AGTPBP1: variants seen among roughly 807,000 people sequenced by gnomAD.
The protein encoded by AGTPBP1 is ATP/GTP binding carboxypeptidase 1, also known as cytosolic carboxypeptidase 1.
A neutral mutation model predicts 143.9 loss-of-function variants in AGTPBP1; 70 were observed. The ratio of observed to expected loss-of-function variants is 0.49; its 90% confidence interval spans 0.40 to 0.59. The LOEUF is 0.59. Among genes scored for constraint, AGTPBP1 ranks in the 20% least tolerant of loss-of-function variants. The pLI, the probability that AGTPBP1 is intolerant of heterozygous loss-of-function variation, is 0.00. For synonymous variants in AGTPBP1, 463 were observed against 500.2 expected, an observed-to-expected ratio of 0.93 and a Z score of 0.99; for missense variants, 1,229 against 1,464.5, an observed-to-expected ratio of 0.84 and a Z score of 2.62.
At chr9:85,687,383 A>G (rs145956160) in intron 3 of AGTPBP1, among the ~76,000 whole-genome samples, 1 of 152,318 alleles carries the variant, frequency 6.6e-6, no homozygotes, top group African/African-American at 2.4e-5. Context: ...ATTGATACTT[A>G]TAGAACACTT....
At chr9:85,651,562 C>T (rs1444070092) in intron 11 of AGTPBP1, among the ~76,000 whole-genome samples, 1 of 152,050 alleles carries the variant, frequency 6.6e-6, no homozygotes, top group Non-Finnish European at 1.5e-5. Flanking sequence ...AATACAAATA[C>T]TCTTAGGTAA....
the AGTPBP1 span, among the ~76,000 whole-genome samples, chr9:85,784,925 A>G: frequency 2.0e-5 from 3 of 152,230 alleles, no homozygotes; most frequent in East Asian, 1.9e-4. Flanking sequence ...AAACTTTTCA[A>G]ATTTTAAATC....
chr9:85,746,845 T>C (rs192899975), upstream of AGTPBP1, among the ~76,000 whole-genome samples: 1 of 152,186 alleles, frequency 6.6e-6, no homozygotes, highest in African/African-American at 2.4e-5. Flanking sequence ...CAAAACATCA[T>C]GTTGTATACC....
chr9:85,669,059 G>C (rs1467719869), intron 8 of AGTPBP1, among the ~76,000 whole-genome samples: 1 of 145,196 alleles, frequency 6.9e-6, no homozygotes, highest in Non-Finnish European at 1.5e-5. Flanking sequence ...GGGGGAAAAA[G>C]AATGATGTGA....
chr9:85,589,244 A>G (rs1329296746), intron 20 of AGTPBP1, among the ~76,000 whole-genome samples: 1 of 152,024 alleles, frequency 6.6e-6, no homozygotes, highest in East Asian at 1.9e-4. Context: ...CTCTTAAAAT[A>G]ATTTGTTGTA....
intron 1 of AGTPBP1, among the ~76,000 whole-genome samples, chr9:85,716,189 T>G (rs1837693889): frequency 6.6e-6 from 1 of 152,170 alleles, no homozygotes; most frequent in Non-Finnish European, 1.5e-5. Context: ...CAATTCTCAG[T>G]CCTCATCTTA....
chr9:85,757,735 C>T, the AGTPBP1 span, among the ~76,000 whole-genome samples: 271 of 151,872 alleles, frequency 1.8e-3, 2 homozygotes, highest in African/African-American at 6.2e-3. Flanking sequence ...ATAAAATTCA[C>T]ATAGAACATC....
intron 3 of AGTPBP1, among the ~76,000 whole-genome samples, chr9:85,687,622 A>G (rs1835562570): frequency 6.6e-6 from 1 of 152,206 alleles, no homozygotes; most frequent in South Asian, 2.1e-4. Flanking sequence ...AAAATGGGTC[A>G]AAGAAAAAAA....
intron 2 of AGTPBP1, among the ~76,000 whole-genome samples, chr9:85,696,873 T>C (rs1252734910): frequency 6.6e-6 from 1 of 152,232 alleles, no homozygotes; most frequent in Non-Finnish European, 1.5e-5. Flanking sequence ...TATACGACAC[T>C]ATCACTTATC....
At chr9:85,766,819 A>G in the AGTPBP1 span, among the ~76,000 whole-genome samples, 1 of 152,216 alleles carries the variant, frequency 6.6e-6, no homozygotes, top group East Asian at 1.9e-4. Context: ...GACACAAGGT[A>G]TCAATAAAAT....
chr9:85,640,184 A>C (rs1220734398), intron 13 of AGTPBP1, among the ~76,000 whole-genome samples: 1 of 152,236 alleles, frequency 6.6e-6, no homozygotes, highest in African/African-American at 2.4e-5. Flanking sequence ...GGAACCAACC[A>C]ATCTTTTTAA....
intron 13 of AGTPBP1, among the ~76,000 whole-genome samples, chr9:85,642,354 G>C (rs1189716771): frequency 6.6e-6 from 1 of 150,522 alleles, no homozygotes; most frequent in Non-Finnish European, 1.5e-5. Context: ...TTTTGAGACG[G>C]AGTCTTGCTC....
At chr9:85,612,801 T>C (rs541455996) in intron 17 of AGTPBP1, among the ~76,000 whole-genome samples, 1 of 151,924 alleles carries the variant, frequency 6.6e-6, no homozygotes, top group Non-Finnish European at 1.5e-5. Flanking sequence ...GTAGAAGAAC[T>C]GGAATGTGTG....
chr9:85,773,850 C>T, the AGTPBP1 span: 155 of 1,601,886 alleles, frequency 9.7e-5, 1 homozygote, highest in African/African-American at 1.8e-3. Context: ...GGTGAATTTG[C>T]GAGAAGCTGA....
chr9:85,676,261 TA>T (rs1834824510), intron 6 of AGTPBP1, among the ~76,000 whole-genome samples: 1 of 151,824 alleles, frequency 6.6e-6, no homozygotes, highest in African/African-American at 2.4e-5. Flanking sequence ...AGTGAAGAGA[TA>T]ACCTACAGAA....
intron 24 of AGTPBP1, 22 bp from the exon 25 acceptor site, chr9:85,575,497 G>A (rs146333511): frequency 0.011 from 16,706 of 1,574,914 alleles, 203 homozygotes; most frequent in Middle Eastern, 0.037. Context: ...CAAATATTAT[G>A]CATATAATTA....
At chr9:85,663,424 T>C (rs1833955977) in intron 8 of AGTPBP1, among the ~76,000 whole-genome samples, 2 of 152,068 alleles carry the variant, frequency 1.3e-5, no homozygotes, top group African/African-American at 4.8e-5. Context: ...TTTGATCCCA[T>C]CTAACAAATG....
chr9:85,705,907 G>A (rs1836961762), intron 2 of AGTPBP1, among the ~76,000 whole-genome samples: 1 of 151,848 alleles, frequency 6.6e-6, no homozygotes, highest in African/African-American at 2.4e-5. Context: ...AGCCAGGATG[G>A]TCTCGATCTC....
the AGTPBP1 span, among the ~76,000 whole-genome samples, chr9:85,803,670 C>T: frequency 1.3e-5 from 2 of 152,174 alleles, no homozygotes; most frequent in Non-Finnish European, 2.9e-5. Context: ...ACAGCAATAT[C>T]ACTCCTAGGC....
Sources: gnomAD v4.1 joint callset for allele counts (sites outside exome capture counted in the v4.1 genomes callset) on GRCh38, gnomAD v4.1.1 for gene constraint, MANE v1.5 for transcripts, NCBI Gene and HGNC (gene_info 2026-07-23, HGNC 2026-07-21) for gene names.